The following HS3ST4 variants were observed in gnomAD, a reference collection of about 807,000 sequenced individuals.
HS3ST4 encodes the protein heparan sulfate glucosamine 3-O-sulfotransferase 4.
HS3ST4 carries 17 observed loss-of-function variants against 29.2 expected under a neutral mutation model. The observed-to-expected ratio is 0.58, with a 90% CI of 0.40 to 0.87. HS3ST4 has a LOEUF of 0.87. Among genes scored for constraint, HS3ST4 ranks in the 40% least tolerant of loss-of-function variants. The pLI, the probability that HS3ST4 is intolerant of heterozygous loss-of-function variation, is 0.00. For missense variants in HS3ST4, 627 were observed against 634.5 expected, an observed-to-expected ratio of 0.99 and a Z score of 0.13; for synonymous variants, 314 against 285.7, an observed-to-expected ratio of 1.10 and a Z score of -1.00.
intron 1 of HS3ST4, among the ~76,000 whole-genome samples, chr16:25,920,873 C>T (rs1968344529): frequency 6.6e-6 from 1 of 152,086 alleles, no homozygotes. Context: ...CTGCCTTGGC[C>T]TCCCAAAATG....
At chr16:25,965,193 C>T (rs943834764) in intron 1 of HS3ST4, among the ~76,000 whole-genome samples, 4 of 151,944 alleles carry the variant, frequency 2.6e-5, no homozygotes, top group African/African-American at 4.8e-5. Flanking sequence ...TGGTTCCTTT[C>T]AGGGAAGGTG....
chr16:25,928,198 C>CA (rs1171675963), intron 1 of HS3ST4, among the ~76,000 whole-genome samples: 2,607 of 111,204 alleles, frequency 0.023, 57 homozygotes, highest in Middle Eastern at 0.075. Context: ...TCCATCTTTC[C>CA]AAAAAAAAAA....
intron 1 of HS3ST4, among the ~76,000 whole-genome samples, chr16:25,773,271 C>T (rs942736238): frequency 6.6e-6 from 1 of 152,150 alleles, no homozygotes; most frequent in Non-Finnish European, 1.5e-5. Flanking sequence ...AGCTCCAGCA[C>T]CTCCATATTT....
At chr16:25,950,828 G>A (rs1968677058) in intron 1 of HS3ST4, among the ~76,000 whole-genome samples, 3 of 152,270 alleles carry the variant, frequency 2.0e-5, no homozygotes, top group South Asian at 4.1e-4. Context: ...GGGTTGTCAT[G>A]AGGATTAAGT....
Position 25,692,405 on chromosome 16 carries a change from G to A in HS3ST4, c.-13G>A, listed in dbSNP as rs1266905964. 5 of 891,538 alleles carry A rather than the reference G, an allele frequency of 5.6e-6. No homozygotes were observed. Among genetic ancestry groups the A allele is most frequent in the Non-Finnish European group, 6.9e-6 (5 of 723,936 alleles). The allele number at this position is 891,538 out of a possible 1,614,324, so 55.2% of individuals were successfully genotyped here. A position where few individuals can be genotyped will look rare whatever the true frequency, so the allele number is the denominator to read the frequency against. On this transcript the variant is annotated 5_prime_UTR_variant, in exon 1 of 2. Transcript: ENST00000331351. Reference sequence around the variant, plus strand: ...GCCGCCGCCGCCGCCGCCGCCGCGAGCCGGGAGCCGCGATGGCCCGGTGGC... The same window carrying A: ...GCCGCCGCCGCCGCCGCCGCCGCGAACCGGGAGCCGCGATGGCCCGGTGGC...
At chr16:25,929,057 C>T (rs1413794690) in intron 1 of HS3ST4, among the ~76,000 whole-genome samples, 1 of 152,120 alleles carries the variant, frequency 6.6e-6, no homozygotes, top group African/African-American at 2.4e-5. Flanking sequence ...ATGGTGAAAG[C>T]AACCCTGTTT....
intron 1 of HS3ST4, among the ~76,000 whole-genome samples, chr16:25,805,601 T>G (rs1385303305): frequency 6.6e-6 from 1 of 152,230 alleles, no homozygotes; most frequent in Non-Finnish European, 1.5e-5. Context: ...TGCTGGCTAC[T>G]GAGCTGGGCT....
intron 1 of HS3ST4, among the ~76,000 whole-genome samples, chr16:26,034,793 A>G (rs961707597): frequency 1.3e-5 from 2 of 151,898 alleles, no homozygotes; most frequent in African/African-American, 4.8e-5. Flanking sequence ...ACATAGCAAG[A>G]CTCCATAACT....
At chr16:25,977,102 G>A (rs558791063) in intron 1 of HS3ST4, among the ~76,000 whole-genome samples, 113 of 152,074 alleles carry the variant, frequency 7.4e-4, no homozygotes, top group Non-Finnish European at 1.4e-3. Context: ...CTGTTATGTG[G>A]CACAGACTAA....
chr16:25,767,289 C>T (rs934971952), intron 1 of HS3ST4, among the ~76,000 whole-genome samples: 9 of 152,172 alleles, frequency 5.9e-5, no homozygotes, highest in Non-Finnish European at 1.0e-4. Flanking sequence ...ATCCAGTGTT[C>T]TTGAGGAGTT....
chr16:26,042,072 C>A (rs2141759295), intron 1 of HS3ST4, among the ~76,000 whole-genome samples: 1 of 152,236 alleles, frequency 6.6e-6, no homozygotes, highest in East Asian at 1.9e-4. Context: ...GCTGAAGAAG[C>A]AGAACTGGCT....
intron 1 of HS3ST4, among the ~76,000 whole-genome samples, chr16:25,950,160 A>C (rs1968669324): frequency 6.6e-6 from 1 of 152,108 alleles, no homozygotes; most frequent in Non-Finnish European, 1.5e-5. Context: ...GAGGAAAAAA[A>C]ATGGAGGCTC....
intron 1 of HS3ST4, among the ~76,000 whole-genome samples, chr16:25,929,568 C>T (rs1261013963): frequency 6.6e-6 from 1 of 152,064 alleles, no homozygotes; most frequent in African/African-American, 2.4e-5. Context: ...AAAGAACATG[C>T]CCACAAAATA....
intron 1 of HS3ST4, among the ~76,000 whole-genome samples, chr16:25,899,190 C>T (rs921427556): frequency 1.3e-5 from 2 of 152,212 alleles, no homozygotes; most frequent in African/African-American, 4.8e-5. Context: ...AGATGTTACT[C>T]CAGTGTTGTC....
chr16:25,760,952 C>T lies in HS3ST4; in HGVS notation c.734+67801C>T, dbSNP rs185522261. Among the ~76,000 whole-genome samples, 314 of 152,248 alleles carry T rather than the reference C, an allele frequency of 2.1e-3. 2 individuals are homozygous for T. The highest frequency in any genetic ancestry group is 7.3e-3 in the African/African-American group (302 of 41,540). On this transcript the variant is annotated intron_variant, in intron 1 of 1. Coordinates refer to ENST00000331351, the MANE Select transcript of HS3ST4 (RefSeq NM_006040.3). ...AACCCAGGTAGAACAACTGCATAAG[C>T]CCCTGATAAAGGACTCAGGGCCAGG...
chr16:25,865,428 T>C (rs1967684164), intron 1 of HS3ST4, among the ~76,000 whole-genome samples: 1 of 152,194 alleles, frequency 6.6e-6, no homozygotes, highest in Admixed American at 6.5e-5. Flanking sequence ...TGAACACTTT[T>C]TCATGTAACT....
chr16:26,118,333 G>A (rs889964083), intron 1 of HS3ST4, among the ~76,000 whole-genome samples: 48 of 152,194 alleles, frequency 3.2e-4, no homozygotes, highest in African/African-American at 1.1e-3. Context: ...TTCTGCCTTG[G>A]ACTCCCAAAG....
At chr16:25,955,036 A>T (rs1404581560) in intron 1 of HS3ST4, among the ~76,000 whole-genome samples, 1 of 152,200 alleles carries the variant, frequency 6.6e-6, no homozygotes, top group Non-Finnish European at 1.5e-5. Flanking sequence ...GTAAATGTCA[A>T]TGCTAACTGA....
intron 1 of HS3ST4, among the ~76,000 whole-genome samples, chr16:25,918,582 G>A (rs1044801207): frequency 5.3e-5 from 8 of 152,232 alleles, no homozygotes; most frequent in Non-Finnish European, 1.0e-4. Context: ...ATGAGCAGGT[G>A]TGGTTTGGTA....
Sources: gnomAD v4.1 joint callset for allele counts (sites outside exome capture counted in the v4.1 genomes callset) on GRCh38, gnomAD v4.1.1 for gene constraint, MANE v1.5 for transcripts, NCBI Gene and HGNC (gene_info 2026-07-23, HGNC 2026-07-21) for gene names.